Variants in CPPED1 observed in about 807,000 individuals in gnomAD.
CPPED1 encodes the protein calcineurin like phosphoesterase domain containing 1, also known as serine/threonine-protein phosphatase CPPED1.
CPPED1 carries 28 observed loss-of-function variants against 28.0 expected under a neutral mutation model. The observed-to-expected ratio is 1.00, with a 90% CI of 0.74 to 1.37. The LOEUF (loss-of-function observed/expected upper bound fraction) is 1.37. CPPED1 is among the 40% of genes most tolerant of loss of function. CPPED1 has a pLI of 0.00. For missense variants in CPPED1, 504 were observed against 416.5 expected (o/e 1.21, Z -1.83); for synonymous variants, 198 against 180.2 (o/e 1.10, Z -0.79).
chr16:12,768,485 TTTAA>T (rs1335571225), intron 2 of CPPED1, among the ~76,000 whole-genome samples: 2 of 152,272 alleles, frequency 1.3e-5, no homozygotes, highest in Non-Finnish European at 2.9e-5. Flanking sequence ...ACTTCTGGCC[TTTAA>T]TTAAAGGTAC....
chr16:12,762,788 G>A (rs2080416993), intron 2 of CPPED1, among the ~76,000 whole-genome samples: 1 of 152,042 alleles, frequency 6.6e-6, no homozygotes, highest in Admixed American at 6.6e-5. Flanking sequence ...CTGTCCTCCA[G>A]GCTGGAGTGC....
chr16:12,704,587 T>G (rs931139805), intron 3 of CPPED1, 37 bp downstream of exon 3: 2 of 1,572,580 alleles, frequency 1.3e-6, no homozygotes, highest in African/African-American at 2.7e-5. Context: ...TCTAGACTTG[T>G]CCTTCCTCCC....
intron 2 of CPPED1, among the ~76,000 whole-genome samples, chr16:12,727,003 C>T (rs553274214): frequency 5.3e-5 from 8 of 152,140 alleles, no homozygotes; most frequent in African/African-American, 1.2e-4. Context: ...AGGGGAAGGA[C>T]GCTGCCCCTC....
intron 3 of CPPED1, among the ~76,000 whole-genome samples, chr16:12,703,080 T>C (rs1408388956): frequency 6.6e-6 from 1 of 152,022 alleles, no homozygotes; most frequent in Admixed American, 6.6e-5. Context: ...AAATGTTCTC[T>C]CTGGCTTTAT....
intron 3 of CPPED1, among the ~76,000 whole-genome samples, chr16:12,700,037 G>A (rs1864023): frequency 0.82 from 124,374 of 152,194 alleles, 51,379 homozygotes; most frequent in African/African-American, 0.94. Flanking sequence ...TGCCTGCAGC[G>A]GAGAGCCTCC....
At chr16:12,790,477 G>A (rs1464066138) in intron 1 of CPPED1, among the ~76,000 whole-genome samples, 1 of 152,134 alleles carries the variant, frequency 6.6e-6, no homozygotes, top group Non-Finnish European at 1.5e-5. Flanking sequence ...CTAGGAAAAG[G>A]CCTGGGGGCC....
intron 2 of CPPED1, among the ~76,000 whole-genome samples, chr16:12,768,335 C>A (rs2080451205): frequency 6.6e-6 from 1 of 152,216 alleles, no homozygotes; most frequent in Admixed American, 6.5e-5. Context: ...GATCTAAACA[C>A]TGGAACCCAG....
At chr16:12,723,671 C>T (rs1288472195) in intron 2 of CPPED1, among the ~76,000 whole-genome samples, 1 of 152,134 alleles carries the variant, frequency 6.6e-6, no homozygotes, top group Non-Finnish European at 1.5e-5. Flanking sequence ...TCCTTCCAGC[C>T]TTACAGAAAA....
chr16:12,742,093 A>G (rs1418348116), intron 2 of CPPED1, among the ~76,000 whole-genome samples: 1 of 152,104 alleles, frequency 6.6e-6, no homozygotes, highest in Non-Finnish European at 1.5e-5. Flanking sequence ...AAATAAATAA[A>G]TAAAATACTG....
At chr16:12,757,117 C>CAGCACCTCGAGGGTGACCAATTAAGTTAT (rs1375644184) in intron 2 of CPPED1, among the ~76,000 whole-genome samples, 2 of 151,654 alleles carry the variant, frequency 1.3e-5, no homozygotes, top group South Asian at 4.2e-4. Flanking sequence ...AACTAAGTTA[C>CAGCACCTCGAGGGTGACCAATTAAGTTAT]AGCACCTCGA....
In CPPED1 at chr16:12,705,060, G is replaced by T; in HGVS notation, c.290-11C>A. 6.2e-7 allele frequency: 1 copy of T among 1,600,380 alleles called. No homozygotes were observed. Among genetic ancestry groups the T allele is most frequent in the Non-Finnish European group, 8.5e-7 (1 of 1,170,948 alleles). On this transcript the variant is annotated splice_polypyrimidine_tract_variant and intron_variant, in intron 2 of 3. Coordinates refer to ENST00000381774, the MANE Select transcript of CPPED1 (RefSeq NM_018340.3). Reference sequence around the variant, plus strand: ...TCCGCCACGGCTTCCCTGGAAGAGTGAGGGTCACGTCCTGAGAAAGCCAGG... The same window carrying T: ...TCCGCCACGGCTTCCCTGGAAGAGTTAGGGTCACGTCCTGAGAAAGCCAGG...
intron 1 of CPPED1, among the ~76,000 whole-genome samples, chr16:12,785,105 C>T (rs761870485): frequency 3.3e-5 from 5 of 152,122 alleles, no homozygotes; most frequent in African/African-American, 9.7e-5. Context: ...GGTCTTTGGT[C>T]TCATCGTAAT....
At chr16:12,719,281 C>T (rs2080125038) in intron 2 of CPPED1, among the ~76,000 whole-genome samples, 1 of 150,408 alleles carries the variant, frequency 6.6e-6, no homozygotes, top group Non-Finnish European at 1.5e-5. Flanking sequence ...GTCCCAGCTA[C>T]TCGGGAAGCT....
At chr16:12,726,937 G>T (rs541151001) in intron 2 of CPPED1, among the ~76,000 whole-genome samples, 3 of 152,150 alleles carry the variant, frequency 2.0e-5, no homozygotes, top group African/African-American at 7.2e-5. Flanking sequence ...TGAATGGGAT[G>T]CTCACCATGC....
chr16:12,774,413 A>G (rs1255932638), intron 2 of CPPED1, among the ~76,000 whole-genome samples: 9 of 151,884 alleles, frequency 5.9e-5, no homozygotes, highest in Non-Finnish European at 1.0e-4. Flanking sequence ...GGTTGCAGTG[A>G]GCCGAGATCA....
At chr16:12,707,089 C>A (rs893935987) in intron 2 of CPPED1, among the ~76,000 whole-genome samples, 1 of 152,178 alleles carries the variant, frequency 6.6e-6, no homozygotes, top group Non-Finnish European at 1.5e-5. Context: ...CTCTAAGACT[C>A]CAGTGTCTGG....
At chr16:12,696,480 G>A (rs1012858487) in intron 3 of CPPED1, among the ~76,000 whole-genome samples, 25 of 140,478 alleles carry the variant, frequency 1.8e-4, no homozygotes, top group African/African-American at 5.2e-4. Context: ...TCACTCAGTC[G>A]CCCAGGGTGG....
Position 12,709,411 on chromosome 16 carries a change from C to T in CPPED1, c.290-4362G>A, listed in dbSNP as rs150257933. Among the ~76,000 whole-genome samples, 21 of 152,190 alleles carry T rather than the reference C, an allele frequency of 1.4e-4. No homozygotes were observed. The highest frequency in any genetic ancestry group is 5.2e-4 in the Admixed American group (8 of 15,288). ...AATGTCAGCACACACCTGACCCCCA[C>T]GGAGAGGAGCCCTGGGTGGGAATGG... is the stretch of plus-strand genomic sequence containing the variant. On this transcript the variant is annotated intron_variant, in intron 2 of 3. Coordinates refer to ENST00000381774, the MANE Select transcript of CPPED1 (RefSeq NM_018340.3). The surrounding 1 kb of genome is among the most constrained non-coding windows in gnomAD (Gnocchi z 4.4).
In CPPED1 at chr16:12,698,161, C is replaced by T. The variant is rs116260123; in HGVS notation, c.715+6463G>A. Among the ~76,000 whole-genome samples, 1,295 of 152,216 alleles carry T rather than the reference C, an allele frequency of 8.5e-3. 21 individuals are homozygous for T. Among genetic ancestry groups the T allele is most frequent in the African/African-American group, 0.03 (1,225 of 41,520 alleles). On this transcript the variant is annotated intron_variant, in intron 3 of 3. Transcript: ENST00000381774. Reference sequence around the variant, plus strand: ...CATGAAAACCAACTCACAAGTGATACGGATATTACCTGCTGATAAGTAGAC... The same window carrying T: ...CATGAAAACCAACTCACAAGTGATATGGATATTACCTGCTGATAAGTAGAC...
Sources: gnomAD v4.1 joint callset for allele counts (sites outside exome capture counted in the v4.1 genomes callset) on GRCh38, gnomAD v4.1.1 for gene constraint, Gnocchi (gnomAD v3.1) non-coding constraint, MANE v1.5 for transcripts, NCBI Gene and HGNC (gene_info 2026-07-23, HGNC 2026-07-21) for gene names.